The following KIAA1217 variants were observed in gnomAD, a reference collection of about 807,000 sequenced individuals.
The protein encoded by KIAA1217 is sickle tail protein homolog.
A neutral mutation model predicts 163.9 loss-of-function variants in KIAA1217; 88 were observed. The observed-to-expected ratio is 0.54, with a 90% CI of 0.45 to 0.64. The LOEUF is 0.64. KIAA1217 is among the 30% of genes least tolerant of loss of function. KIAA1217 has a pLI of 0.00. For missense variants in KIAA1217, 2,372 were observed against 2,475.0 expected, an observed-to-expected ratio of 0.96 and a Z score of 0.88; for synonymous variants, 903 against 923.1, an observed-to-expected ratio of 0.98 and a Z score of 0.39.
chr10:23,731,260 C>G (rs1035190550), intron 1 of KIAA1217, among the ~76,000 whole-genome samples: 3 of 152,208 alleles, frequency 2.0e-5, no homozygotes. Context: ...ACTCAATAAG[C>G]CATAGGAAAG....
chr10:24,446,889 C>T (rs918545803), intron 5 of KIAA1217, among the ~76,000 whole-genome samples: 1 of 152,214 alleles, frequency 6.6e-6, no homozygotes, highest in Admixed American at 6.5e-5. Flanking sequence ...TAGAGCCAGG[C>T]AGGCCAACTC....
At chr10:24,231,298 G>A (rs957327321) in intron 2 of KIAA1217, among the ~76,000 whole-genome samples, 1 of 152,042 alleles carries the variant, frequency 6.6e-6, no homozygotes, top group African/African-American at 2.4e-5. Context: ...CCTGGGTAAC[G>A]GAGTGCGACT....
intron 5 of KIAA1217, among the ~76,000 whole-genome samples, chr10:24,447,770 G>A (rs1284036091): frequency 6.6e-6 from 1 of 152,130 alleles, no homozygotes; most frequent in Non-Finnish European, 1.5e-5. Flanking sequence ...CCCGCTATTG[G>A]CCACTGACCC....
At position 23,811,131 on chromosome 10, in the gene KIAA1217, A is replaced by G. The variant is rs934880772; in HGVS notation, c.-321+115897A>G. ...ATTATATACACACTATACATACTAT[A>G]TATAGATTATACTATGTATATAGTA... On this transcript the variant is annotated intron_variant, in intron 1 of 18. Coordinates refer to the KIAA1217 transcript ENST00000376462. Among the ~76,000 whole-genome samples the G allele has an allele frequency of 7.9e-5, 11 of 139,814 alleles. No homozygotes were observed. In the East Asian group the frequency reaches 1.9e-3, roughly 24 times the overall value. 91.7% of individuals were successfully genotyped at this position (139,814 alleles called of 152,430 possible).
intron 2 of KIAA1217, among the ~76,000 whole-genome samples, chr10:24,322,006 T>C (rs537387965): frequency 6.6e-6 from 1 of 152,270 alleles, no homozygotes; most frequent in East Asian, 1.9e-4. Context: ...TGGAGTGCGG[T>C]GGCCCGATCT....
chr10:23,918,031 GA>G (rs1232314909), intron 1 of KIAA1217, among the ~76,000 whole-genome samples: 1 of 151,592 alleles, frequency 6.6e-6, no homozygotes. Context: ...TTTTTTTTAA[GA>G]GACAGGATCT....
At chr10:24,189,525 T>C (rs1217845899) in intron 2 of KIAA1217, among the ~76,000 whole-genome samples, 1 of 152,156 alleles carries the variant, frequency 6.6e-6, no homozygotes, top group Non-Finnish European at 1.5e-5. Flanking sequence ...GAAAGAGTAA[T>C]ACCTTTTTCT....
intron 2 of KIAA1217, among the ~76,000 whole-genome samples, chr10:24,034,252 G>A (rs761524691): frequency 4.6e-5 from 7 of 152,050 alleles, no homozygotes; most frequent in Non-Finnish European, 7.4e-5. Flanking sequence ...TTCTGGCACC[G>A]TGAGCTTAGA....
intron 2 of KIAA1217, among the ~76,000 whole-genome samples, chr10:24,045,032 A>G (rs1164763999): frequency 3.3e-5 from 5 of 152,208 alleles, no homozygotes; most frequent in African/African-American, 1.2e-4. Context: ...AAACTAAATG[A>G]CAGGTAAACT....
intron 6 of KIAA1217, 65 bp from the exon 7 acceptor site, chr10:24,494,435 A>C (rs2066519877): frequency 1.5e-6 from 2 of 1,351,514 alleles, no homozygotes; most frequent in African/African-American, 1.4e-5. Context: ...CAGGTGGTGC[A>C]TTCACCCGGA....
rs528376974 is a variant in KIAA1217, at chr10:24,300,213, G to A, written c.354+80304G>A. 3.9e-5 allele frequency among the ~76,000 whole-genome samples: 6 copies of A among 152,278 alleles called. No homozygotes were observed. In the South Asian group the frequency reaches 1.0e-3, roughly 26 times the overall value. On this transcript the variant is annotated intron_variant, in intron 2 of 20. Transcript: ENST00000376454. The stretch of plus-strand genomic sequence containing the variant: ...TTTGCATTCAAAATCTTTTAAATTG[G>A]TAACAAAATGAATCCCTGTCCCACA...
intron 4 of KIAA1217, 112 bp downstream of exon 4, chr10:24,433,305 TTTTTTTG>T (rs199518984): frequency 0.13 from 96,015 of 728,430 alleles, 7,978 homozygotes; most frequent in African/African-American, 0.22. Context: ...ATTTAGAGTG[TTTTTTTG>T]TTTTTTGTTT....
In KIAA1217 at chr10:24,285,904, G is replaced by A. The variant is rs74451481; in HGVS notation, c.354+65995G>A. ...CAGTGTTTTATAGTTCCCTTACAGA[G>A]ATCTTTCACCTCTTTGGTTAGATAT... On this transcript the variant is annotated intron_variant, in intron 2 of 20. Coordinates refer to ENST00000376454, the MANE Select transcript of KIAA1217 (RefSeq NM_019590.5). Among the ~76,000 whole-genome samples the A allele has an allele frequency of 9.5e-3, 1,442 of 152,126 alleles. 29 individuals carry two copies. The highest frequency in any genetic ancestry group is 0.084 in the East Asian group (434 of 5,164).
intron 1 of KIAA1217, among the ~76,000 whole-genome samples, chr10:23,998,799 T>C (rs1209827436): frequency 6.6e-6 from 1 of 152,220 alleles, no homozygotes; most frequent in Non-Finnish European, 1.5e-5. Context: ...TTTGATTCTG[T>C]GAGCAAAAAC....
intron 2 of KIAA1217, among the ~76,000 whole-genome samples, chr10:24,048,591 G>A (rs925348934): frequency 6.6e-5 from 10 of 152,120 alleles, no homozygotes; most frequent in Middle Eastern, 3.4e-3. Flanking sequence ...TTAGCCAGGC[G>A]TGGTGGCAGC....
chr10:23,783,758 G>A (rs947797425), intron 1 of KIAA1217, among the ~76,000 whole-genome samples: 3 of 151,688 alleles, frequency 2.0e-5, no homozygotes, highest in East Asian at 1.9e-4. Context: ...TGATTTGTTC[G>A]GGCTTTTTGT....
At chr10:24,432,967 G>A (rs2059721921) in intron 3 of KIAA1217, 28 bp from the exon 4 acceptor site, 1 of 1,600,426 alleles carries the variant, frequency 6.2e-7, no homozygotes, top group Non-Finnish European at 8.6e-7. Flanking sequence ...CTTGACCTGT[G>A]ACTAATAACT....
chr10:24,330,680 A>G (rs2045558117), intron 2 of KIAA1217, among the ~76,000 whole-genome samples: 1 of 152,138 alleles, frequency 6.6e-6, no homozygotes, highest in African/African-American at 2.4e-5. Flanking sequence ...CAGTGGTGTG[A>G]TCATGGCTCA....
intron 2 of KIAA1217, among the ~76,000 whole-genome samples, chr10:24,031,704 T>G (rs937172055): frequency 3.4e-5 from 5 of 145,252 alleles, no homozygotes; most frequent in Admixed American, 6.6e-5. Flanking sequence ...TGTGTGTGTG[T>G]GGGTGTGTCA....
Sources: gnomAD v4.1 joint callset for allele counts (sites outside exome capture counted in the v4.1 genomes callset) on GRCh38, gnomAD v4.1.1 for gene constraint, MANE v1.5 for transcripts, NCBI Gene and HGNC (gene_info 2026-07-23, HGNC 2026-07-21) for gene names.